Variants in SCARB2 observed in about 807,000 individuals in gnomAD.
The protein encoded by SCARB2 is scavenger receptor class B member 2, also known as lysosome membrane protein 2.
Under a neutral mutation model 58.6 loss-of-function variants are expected in SCARB2, and 29 were observed. That is an observed-to-expected ratio of 0.49 (90% CI 0.37 to 0.67). The LOEUF is 0.67. Ranked by LOEUF, SCARB2 falls within the 30% of genes least tolerant of loss-of-function variation. The pLI is 0.00. For synonymous variants in SCARB2, 195 were observed against 210.1 expected (o/e 0.93, Z 0.62); for missense variants, 488 against 578.5 (o/e 0.84, Z 1.60).
intron 7 of SCARB2, among the ~76,000 whole-genome samples, chr4:76,171,228 A>G (rs1732123389): frequency 6.6e-6 from 1 of 152,130 alleles, no homozygotes; most frequent in Admixed American, 6.5e-5. Flanking sequence ...TTTGTGACCT[A>G]TAATGACCTT....
chr4:76,193,367 G>A (rs919704980), intron 2 of SCARB2: 3 of 152,302 alleles, frequency 2.0e-5, no homozygotes, highest in Admixed American at 2.0e-4. Flanking sequence ...GGGAAATGCG[G>A]AGCTGAAGGC....
intron 9 of SCARB2, 78 bp downstream of exon 9, chr4:76,168,325 C>T: frequency 9.1e-7 from 1 of 1,093,216 alleles, no homozygotes. Flanking sequence ...GTAGGCTGTA[C>T]TCCTCCTGAC....
At chr4:76,206,547 A>T (rs560082485) in intron 1 of SCARB2, among the ~76,000 whole-genome samples, 73 of 152,198 alleles carry the variant, frequency 4.8e-4, no homozygotes, top group African/African-American at 1.5e-3. Context: ...ACAAAATGCA[A>T]ACAAAATCAT....
chr4:76,200,215 T>C (rs1273232698), intron 1 of SCARB2, among the ~76,000 whole-genome samples: 2 of 152,186 alleles, frequency 1.3e-5, no homozygotes, highest in Non-Finnish European at 2.9e-5. Flanking sequence ...AGACAAACCT[T>C]GTAATCAGCT....
intron 1 of SCARB2, among the ~76,000 whole-genome samples, chr4:76,221,069 C>A (rs1482472884): frequency 6.6e-6 from 1 of 152,190 alleles, no homozygotes; most frequent in Non-Finnish European, 1.5e-5. Context: ...CTCCCTAAGT[C>A]CAGACTGCCT....
rs191433405 is a variant in SCARB2, at chr4:76,165,923, G to C, written c.1239+327C>G. 6.2e-4 allele frequency: 279 copies of C among 450,534 alleles called. 1 individual carries two copies. The highest frequency in any genetic ancestry group is 5.3e-3 in the African/African-American group (267 of 50,688). 27.9% of individuals were successfully genotyped at this position (450,534 alleles called of 1,614,324 possible). ...ACAAAGGGCTAGCTGGCATCTATCT[G>C]AGTGTGAGCTATTTCCCTGCTTCAA... On this transcript the variant is annotated intron_variant, in intron 10 of 11. Coordinates refer to ENST00000264896, the MANE Select transcript of SCARB2 (RefSeq NM_005506.4).
At position 76,213,418 on chromosome 4, in the gene SCARB2, C is replaced by T. The variant is rs1160556832; in HGVS notation, c.117+9G>A. The T allele has an allele frequency of 1.3e-6, 2 of 1,590,682 alleles. No individual in the cohort carries two copies. Among genetic ancestry groups the T allele is most frequent in the Non-Finnish European group, 1.7e-6 (2 of 1,161,708 alleles). On this transcript the variant is annotated intron_variant, in intron 1 of 11. Transcript: ENST00000264896. ...CTCCACAACACACACACAGCCCGCCCCGCCTCACCTTCTCGATACTCTGGT... is the reference window on the plus strand; with the variant it reads ...CTCCACAACACACACACAGCCCGCCTCGCCTCACCTTCTCGATACTCTGGT...
upstream of SCARB2, among the ~76,000 whole-genome samples, chr4:76,215,530 A>G (rs1733190114): frequency 6.6e-6 from 1 of 152,196 alleles, no homozygotes; most frequent in Non-Finnish European, 1.5e-5. Flanking sequence ...CCTTTCGTTG[A>G]GAGGTGGGGT....
chr4:76,169,724 T>C (rs546237246), intron 8 of SCARB2, 143 bp downstream of exon 8: 9 of 753,316 alleles, frequency 1.2e-5, no homozygotes, highest in South Asian at 2.9e-5. Context: ...AATGCCTCCA[T>C]CAGCACTGAG....
upstream of SCARB2, among the ~76,000 whole-genome samples, chr4:76,218,753 G>T (rs890007042): frequency 1.3e-5 from 2 of 152,132 alleles, no homozygotes; most frequent in Admixed American, 1.3e-4. Context: ...AAACACAAGC[G>T]TAGTGTTGTC....
At chr4:76,211,771 A>C (rs1020999075) in intron 1 of SCARB2, among the ~76,000 whole-genome samples, 10 of 152,306 alleles carry the variant, frequency 6.6e-5, no homozygotes, top group African/African-American at 1.9e-4. Flanking sequence ...TCTAATGACA[A>C]CAGTATTTCC....
chr4:76,210,923 C>A (rs1308172581), intron 1 of SCARB2, among the ~76,000 whole-genome samples: 2 of 152,142 alleles, frequency 1.3e-5, no homozygotes. Flanking sequence ...CAAGTCGGGG[C>A]ATAGACAATC....
chr4:76,191,940 T>G (rs1377866457), intron 2 of SCARB2: 1 of 152,242 alleles, frequency 6.6e-6, no homozygotes. Flanking sequence ...CAGGCTAATC[T>G]TTGTATGTTT....
Position 76,170,970 on chromosome 4 carries a change from AT to A in SCARB2, c.995-986del, listed in dbSNP as rs1412188669. On this transcript the variant is annotated intron_variant, in intron 7 of 11. Coordinates refer to ENST00000264896, the MANE Select transcript of SCARB2 (RefSeq NM_005506.4). ...AATATATATATATATATATATATAT[AT>A]AACCAAATAGGGAAACAAGTTACTA... Among the ~76,000 whole-genome samples, 8 of 145,012 alleles carry A rather than the reference AT, an allele frequency of 5.5e-5. 1 individual carries two copies. In the South Asian group the frequency reaches 8.5e-4, roughly 15 times the overall value.
At position 76,160,691 on chromosome 4, in the gene SCARB2, C is replaced by T. The variant is rs1731878491; in HGVS notation, c.*1022G>A. The T allele has an allele frequency of 6.6e-6, 1 of 152,166 alleles. No individual in the cohort carries two copies. Among genetic ancestry groups the T allele is most frequent in the Non-Finnish European group, 1.5e-5 (1 of 68,028 alleles). The allele number at this position is 152,166 out of a possible 1,614,324, so 9.4% of individuals were successfully genotyped here. A position where few individuals can be genotyped will look rare whatever the true frequency, so the allele number is the denominator to read the frequency against. ...TCAAAATTACCAAGAAGGCGGCTGT[C>T]CCAGAAGAAATATCTCTTTAGTCTA... On this transcript the variant is annotated 3_prime_UTR_variant, in exon 12 of 12. Transcript: ENST00000264896.
intron 2 of SCARB2, among the ~76,000 whole-genome samples, chr4:76,186,639 A>T (rs1352571875): frequency 6.6e-6 from 1 of 151,932 alleles, no homozygotes; most frequent in African/African-American, 2.4e-5. Flanking sequence ...AAACAGTTTC[A>T]CTCCTTAAGA....
At chr4:76,197,096 C>T (rs76613919) in intron 1 of SCARB2, among the ~76,000 whole-genome samples, 1,855 of 152,288 alleles carry the variant, frequency 0.012, 32 homozygotes, top group African/African-American at 0.04. Context: ...CAGAAGAAAC[C>T]AACTCTGCCA....
intron 3 of SCARB2, 183 bp from the exon 4 acceptor site, chr4:76,179,888 T>C: frequency 1.5e-6 from 1 of 665,884 alleles, no homozygotes; most frequent in African/African-American, 1.8e-5. Context: ...CTCTTCTCTG[T>C]CCTTTCCCAG....
intron 1 of SCARB2, among the ~76,000 whole-genome samples, chr4:76,199,916 T>C (rs1367957698): frequency 1.3e-5 from 2 of 152,244 alleles, no homozygotes; most frequent in Non-Finnish European, 2.9e-5. Flanking sequence ...GAGAGGGCTC[T>C]GTTTTGACTT....
Sources: allele counts gnomAD v4.1 joint callset (sites outside exome capture counted in the v4.1 genomes callset), GRCh38; gene constraint gnomAD v4.1.1; transcripts MANE v1.5; gene names NCBI Gene and HGNC (gene_info 2026-07-23, HGNC 2026-07-21).